TRIP12: variants seen among roughly 807,000 people sequenced by gnomAD.
The protein encoded by TRIP12 is E3 ubiquitin-protein ligase TRIP12.
TRIP12 carries 25 observed loss-of-function variants against 244.2 expected under a neutral mutation model. The ratio of observed to expected loss-of-function variants is 0.10; its 90% CI spans 0.07 to 0.14. The LOEUF is 0.14. TRIP12 is among the 10% of genes least tolerant of loss of function. The probability of loss-of-function intolerance (pLI) is 1.00; values close to 1 mark genes in which losing one functional copy is unlikely to be tolerated. For synonymous variants in TRIP12, 905 were observed against 873.1 expected (o/e 1.04, Z -0.64); for missense variants, 1,677 against 2,486.4 (o/e 0.67, Z 6.92).
intron 9 of TRIP12, among the ~76,000 whole-genome samples, chr2:229,816,084 G>A (rs2048426489): frequency 6.6e-6 from 1 of 152,060 alleles, no homozygotes; most frequent in Non-Finnish European, 1.5e-5. Context: ...CTGTCTTCTG[G>A]TTCAATGGAA....
intron 1 of TRIP12, among the ~76,000 whole-genome samples, chr2:229,901,571 C>T (rs1420974064): frequency 6.8e-6 from 1 of 146,576 alleles, no homozygotes; most frequent in African/African-American, 2.5e-5. Flanking sequence ...TGCAGTGAGC[C>T]GAGATTGCAC....
intron 1 of TRIP12, among the ~76,000 whole-genome samples, chr2:229,910,899 C>G (rs2074139742): frequency 1.3e-5 from 2 of 152,170 alleles, no homozygotes; most frequent in African/African-American, 4.8e-5. Flanking sequence ...TAGGTCTGAT[C>G]ACAAAGTTAA....
intron 2 of TRIP12, among the ~76,000 whole-genome samples, chr2:229,873,772 C>G (rs2154348722): frequency 6.6e-6 from 1 of 152,076 alleles, no homozygotes; most frequent in African/African-American, 2.4e-5. Context: ...AAGGCTATAT[C>G]CTATATTTCT....
chr2:229,814,149 C>G, intron 12 of TRIP12, 84 bp downstream of exon 12: 1 of 1,533,828 alleles, frequency 6.5e-7, no homozygotes, highest in Non-Finnish European at 8.9e-7. Flanking sequence ...CTTACAAAAA[C>G]TGCAATCAAG....
chr2:229,791,222 C>T lies in TRIP12; in HGVS notation c.4445G>A (p.Ser1482Asn). 6.2e-7 allele frequency: 1 copy of T among 1,614,068 alleles called. No homozygotes were observed. Residue 1482 changes from serine (S) to asparagine (N), a missense_variant, in exon 30 of 42, where the codon AGT (serine) becomes AAT (asparagine). Transcript: ENST00000675903. ...WYKPVREDEE[S>N]NKDCVGGKRG... ...TTTACCACCAACACAATCTTTATTA[C>T]TTTCTTCATCCTCTCTCACAGGTTT...
Position 229,777,355 on chromosome 2 carries a change from A to G in TRIP12, c.5489T>C (p.Ile1830Thr). Residue 1830 changes from isoleucine (I) to threonine (T), a missense_variant, in exon 37 of 42, where the codon ATT (isoleucine) becomes ACT (threonine). Coordinates refer to ENST00000675903, the MANE Select transcript of TRIP12 (RefSeq NM_001348323.3). ...TTCAAGTCTTTTCTTCTGTCTGACA[A>G]TGTCTTCTAGGTGATAAACTGATCT... ...VARSVYHLEDIVRQKKRLEQD... is the reference protein window; with the variant it reads ...VARSVYHLEDTVRQKKRLEQD... The G allele has an allele frequency of 6.2e-7, 1 of 1,613,790 alleles. No homozygotes were observed. Among genetic ancestry groups the G allele is most frequent in the Non-Finnish European group, 8.5e-7 (1 of 1,179,744 alleles).
chr2:229,784,660 T>C (rs1255661907), intron 34 of TRIP12, among the ~76,000 whole-genome samples: 2 of 151,978 alleles, frequency 1.3e-5, no homozygotes, highest in Non-Finnish European at 2.9e-5. Flanking sequence ...AGAAAATACA[T>C]GAATGACCAA....
chr2:229,878,557 T>C (rs1035711168), intron 2 of TRIP12, among the ~76,000 whole-genome samples: 2 of 152,050 alleles, frequency 1.3e-5, no homozygotes, highest in Non-Finnish European at 2.9e-5. Flanking sequence ...TGTGCTTTTA[T>C]TCTTTACATT....
chr2:229,781,730 A>G (rs1385979666), intron 34 of TRIP12, among the ~76,000 whole-genome samples: 2 of 152,218 alleles, frequency 1.3e-5, no homozygotes, highest in Non-Finnish European at 2.9e-5. Flanking sequence ...ATTCTTCTAG[A>G]GCTAGTTAGA....
At chr2:229,883,110 G>C (rs957692846) in intron 1 of TRIP12, among the ~76,000 whole-genome samples, 2 of 152,172 alleles carry the variant, frequency 1.3e-5, no homozygotes, top group African/African-American at 4.8e-5. Flanking sequence ...GGCTGGAAGG[G>C]ACCCTCGGAG....
rs1483679207 is a variant in TRIP12, at chr2:229,767,609, C to T, written c.6149G>A (p.Arg2050His). The change falls in exon 42 of 42, where the codon CGT becomes CAT. Residue 2050 changes from arginine to histidine, a missense_variant. Transcript: ENST00000675903. ...TCTTGCTGCTATCAACAGTTTTTCA[C>T]GCATTATCTCAATGCTTGAATAGTC... is the stretch of plus-strand genomic sequence containing the variant. The part of the protein sequence containing the change: ...LPDYSSIEIM[R>H]EKLLIAAREG... 1.9e-6 allele frequency: 3 copies of T among 1,613,638 alleles called. No individual in the cohort carries two copies. The highest frequency in any genetic ancestry group is 1.7e-6 in the Non-Finnish European group (2 of 1,179,850).
At chr2:229,853,229 T>G (rs1323636207) in intron 4 of TRIP12, among the ~76,000 whole-genome samples, 1 of 152,284 alleles carries the variant, frequency 6.6e-6, no homozygotes, top group South Asian at 2.1e-4. Flanking sequence ...ACCTACCCAA[T>G]GTGAAATTTC....
intron 2 of TRIP12, among the ~76,000 whole-genome samples, chr2:229,874,864 A>G (rs1221529337): frequency 6.6e-6 from 1 of 152,234 alleles, no homozygotes; most frequent in Non-Finnish European, 1.5e-5. Context: ...CTACCACTAA[A>G]GCAATCTTAA....
rs184366123 is a variant in TRIP12, at chr2:229,839,777, C to T, written c.1133+1045G>A. Among the ~76,000 whole-genome samples the T allele has an allele frequency of 5.6e-3, 848 of 152,158 alleles. 5 individuals are homozygous for T. Among genetic ancestry groups the T allele is most frequent in the Middle Eastern group, 0.014 (4 of 292 alleles). On this transcript the variant is annotated intron_variant, in intron 5 of 41. Transcript: ENST00000675903. ...AGCAGCGGAATGGCACCTGACTAACCGACCAAGCCTGAAAAGCCGAGAGGA... is the reference window on the plus strand; with the variant it reads ...AGCAGCGGAATGGCACCTGACTAACTGACCAAGCCTGAAAAGCCGAGAGGA...
intron 1 of TRIP12, among the ~76,000 whole-genome samples, chr2:229,919,922 AAAAG>A (rs1392465533): frequency 2.0e-5 from 3 of 152,252 alleles, no homozygotes; most frequent in African/African-American, 7.2e-5. Context: ...AGGAAGTGTC[AAAAG>A]AAAGAATTAG....
At chr2:229,879,441 T>C (rs2064359498) in intron 2 of TRIP12, among the ~76,000 whole-genome samples, 1 of 152,140 alleles carries the variant, frequency 6.6e-6, no homozygotes. Context: ...CACTACTTCA[T>C]ATGTAACTAC....
At position 229,778,651 on chromosome 2, in the gene TRIP12, A is replaced by T; in HGVS notation, c.5210-64T>A. On this transcript the variant is annotated intron_variant, in intron 35 of 41. Coordinates refer to ENST00000675903, the MANE Select transcript of TRIP12 (RefSeq NM_001348323.3). This position sits in a 1 kb window ranked among gnomAD's most constrained non-coding sequence, Gnocchi z 4.1. Reference sequence around the variant, plus strand: ...TCCAAAAACAAAACAAAACCTGGTAACTAAGAACATTTAAGAAATTAAGCA... The same window carrying T: ...TCCAAAAACAAAACAAAACCTGGTATCTAAGAACATTTAAGAAATTAAGCA... The T allele has an allele frequency of 6.4e-7, 1 of 1,571,048 alleles. No individual in the cohort carries two copies. The highest frequency in any genetic ancestry group is 1.2e-5 in the South Asian group (1 of 85,188).
rs567345440 is a variant in TRIP12 at position 229,791,709 on chromosome 2, C to A, written c.4415+157G>T. On this transcript the variant is annotated intron_variant, in intron 29 of 41. Coordinates refer to ENST00000675903, the MANE Select transcript of TRIP12 (RefSeq NM_001348323.3). ...TGAGGAGGCTACATATACATATGCA[C>A]CTTATCAAATATTTGAAATCGTCTT... 1.1e-4 allele frequency: 82 copies of A among 726,438 alleles called. 3 individuals carry two copies. In the South Asian group the frequency reaches 1.5e-3, roughly 13 times the overall value. The allele number at this position is 726,438 out of a possible 1,614,324, so 45.0% of individuals were successfully genotyped here. A position where few individuals can be genotyped will look rare whatever the true frequency, so the allele number is the denominator to read the frequency against.
intron 1 of TRIP12, among the ~76,000 whole-genome samples, chr2:229,889,676 A>G (rs1359774881): frequency 5.3e-5 from 8 of 152,238 alleles, no homozygotes; most frequent in African/African-American, 9.6e-5. Flanking sequence ...AAATTTTTTA[A>G]GACTCCAACC....
Sources: allele counts gnomAD v4.1 joint callset (sites outside exome capture counted in the v4.1 genomes callset), GRCh38; gene constraint gnomAD v4.1.1; non-coding constraint Gnocchi (gnomAD v3.1); transcripts MANE v1.5; gene names NCBI Gene and HGNC (gene_info 2026-07-23, HGNC 2026-07-21).